The following CCDC141 variants were observed in gnomAD, a reference collection of about 807,000 sequenced individuals.
CCDC141 encodes coiled-coil domain-containing protein 141.
CCDC141 carries 168 observed loss-of-function variants against 181.0 expected under a neutral mutation model. The ratio of observed to expected loss-of-function variants is 0.93; its 90% CI spans 0.82 to 1.05. The LOEUF is 1.05. CCDC141 is among the 50% of genes least tolerant of loss of function. CCDC141 has a pLI of 0.00. For synonymous variants in CCDC141, 666 were observed against 642.3 expected (o/e 1.04, Z -0.56); for missense variants, 1,902 against 1,788.5 (o/e 1.06, Z -1.14).
chr2:178,889,131 T>C (rs938543358), intron 8 of CCDC141, among the ~76,000 whole-genome samples: 18 of 152,276 alleles, frequency 1.2e-4, no homozygotes, highest in East Asian at 3.9e-4. Flanking sequence ...TTCTCAATGA[T>C]TATGAATGCT....
At chr2:178,906,642 G>T (rs1227615840) in intron 7 of CCDC141, among the ~76,000 whole-genome samples, 1 of 152,156 alleles carries the variant, frequency 6.6e-6, no homozygotes, top group Admixed American at 6.5e-5. Flanking sequence ...GCCTCCCTGG[G>T]TTGCTGAGTT....
chr2:178,829,745 A>C (rs949364627), downstream of CCDC141: 4 of 152,260 alleles, frequency 2.6e-5, no homozygotes, highest in Non-Finnish European at 5.9e-5. Context: ...ACATTGACAC[A>C]ATATCAGAGC....
chr2:178,966,663 T>C (rs1690647168), intron 4 of CCDC141, among the ~76,000 whole-genome samples: 2 of 152,038 alleles, frequency 1.3e-5, no homozygotes, highest in Admixed American at 1.3e-4. Context: ...GCGAAAAGGC[T>C]GAAAATTCCA....
intron 6 of CCDC141, among the ~76,000 whole-genome samples, chr2:178,931,071 G>A (rs1689079634): frequency 6.6e-6 from 1 of 152,072 alleles, no homozygotes; most frequent in East Asian, 1.9e-4. Flanking sequence ...GAAAAGATCT[G>A]CAACATCATT....
intron 5 of CCDC141, among the ~76,000 whole-genome samples, chr2:178,951,752 G>A (rs1689959942): frequency 6.6e-6 from 1 of 152,184 alleles, no homozygotes; most frequent in African/African-American, 2.4e-5. Flanking sequence ...GAGACCCACA[G>A]GCAGCCCCAG....
At chr2:179,015,505 A>C (rs1318475476) in intron 2 of CCDC141, among the ~76,000 whole-genome samples, 4 of 40,218 alleles carry the variant, frequency 9.9e-5, no homozygotes, top group Admixed American at 6.4e-4. Context: ...TGCCATATAT[A>C]TCATATATGT....
At chr2:178,964,008 G>C (rs1271948561) in intron 4 of CCDC141, among the ~76,000 whole-genome samples, 1 of 152,176 alleles carries the variant, frequency 6.6e-6, no homozygotes, top group East Asian at 1.9e-4. Context: ...ACATGAACAA[G>C]ATGGGGCTGG....
At chr2:178,957,125 G>A (rs191550122) in intron 5 of CCDC141, among the ~76,000 whole-genome samples, 1 of 152,070 alleles carries the variant, frequency 6.6e-6, no homozygotes, top group South Asian at 2.1e-4. Context: ...CACCTGCCTC[G>A]GCCTCCCAAA....
chr2:178,918,592 A>C (rs1688553093), intron 7 of CCDC141, 121 bp downstream of exon 7: 6 of 682,350 alleles, frequency 8.8e-6, no homozygotes, highest in Non-Finnish European at 1.2e-5. Flanking sequence ...CTTTGCTGCT[A>C]TCAGTTTTGA....
intron 9 of CCDC141, 89 bp downstream of exon 9, chr2:178,888,438 C>G (rs928294479): frequency 8.2e-7 from 1 of 1,212,652 alleles, no homozygotes; most frequent in African/African-American, 1.5e-5. Flanking sequence ...GGAGACATGC[C>G]CCTGTCCTCC....
At chr2:178,892,610 A>G (rs1687210239) in intron 8 of CCDC141, among the ~76,000 whole-genome samples, 1 of 152,172 alleles carries the variant, frequency 6.6e-6, no homozygotes, top group Non-Finnish European at 1.5e-5. Context: ...TTCCTTTTGA[A>G]AGTTCTGAAA....
At chr2:179,000,598 A>G (rs1415779226) in intron 2 of CCDC141, among the ~76,000 whole-genome samples, 1 of 152,126 alleles carries the variant, frequency 6.6e-6, no homozygotes, top group East Asian at 1.9e-4. Flanking sequence ...CTCCCATCAC[A>G]TGGGATGCCA....
At chr2:178,939,229 T>G (rs969610391) in intron 6 of CCDC141, among the ~76,000 whole-genome samples, 21 of 152,158 alleles carry the variant, frequency 1.4e-4, no homozygotes, top group African/African-American at 4.8e-4. Context: ...CATACTGAAA[T>G]TCTCAATAAT....
chr2:178,903,897 C>A (rs62177303), intron 8 of CCDC141, among the ~76,000 whole-genome samples: 2 of 151,718 alleles, frequency 1.3e-5, no homozygotes, highest in Admixed American at 6.6e-5. Context: ...GTGACTGGAC[C>A]ATTTTGAAAT....
At chr2:178,876,277 C>A (rs1195027551) in intron 12 of CCDC141, 2 of 152,098 alleles carry the variant, frequency 1.3e-5, no homozygotes, top group East Asian at 3.9e-4. Flanking sequence ...TGAAAATCTA[C>A]AGAAACTAGA....
chr2:179,002,972 ACAT>A (rs1399876938), intron 2 of CCDC141, among the ~76,000 whole-genome samples: 1 of 152,206 alleles, frequency 6.6e-6, no homozygotes, highest in Admixed American at 6.5e-5. Context: ...TCTGCCAGAA[ACAT>A]AAGTAAACAG....
intron 2 of CCDC141, among the ~76,000 whole-genome samples, chr2:178,992,789 G>T (rs1692115762): frequency 6.6e-6 from 1 of 152,120 alleles, no homozygotes; most frequent in South Asian, 2.1e-4. Flanking sequence ...GGGACCTGGT[G>T]GGAGATGATT....
chr2:178,868,151 G>C lies in CCDC141; in HGVS notation c.2449C>G (p.Leu817Val), dbSNP rs566208959. 9.9e-6 allele frequency: 16 copies of C among 1,613,906 alleles called. No homozygotes were observed. In the South Asian group the frequency reaches 1.2e-4, roughly 12 times the overall value. Residue 817 changes from leucine to valine, a missense_variant, in exon 16 of 24, where the codon CTG becomes GTG. Coordinates refer to ENST00000443758, the MANE Select transcript of CCDC141 (RefSeq NM_173648.4). The stretch of plus-strand genomic sequence containing the variant: ...ATCTGCACATCATGGGCATCACCCA[G>C]TTCCTTCGGCTGCTCTACAAACTCC... Reference protein sequence around the residue: ...ELEFVEQPKELGDAHDVQIHL... With the variant: ...ELEFVEQPKEVGDAHDVQIHL...
At chr2:179,021,007 C>T (rs1388646389) in intron 2 of CCDC141, among the ~76,000 whole-genome samples, 3 of 152,134 alleles carry the variant, frequency 2.0e-5, no homozygotes, top group Admixed American at 6.5e-5. Flanking sequence ...TGATTGTTAG[C>T]ACATCACCTG....
Sources: allele counts gnomAD v4.1 joint callset (sites outside exome capture counted in the v4.1 genomes callset), GRCh38; gene constraint gnomAD v4.1.1; transcripts MANE v1.5; gene names NCBI Gene and HGNC (gene_info 2026-07-23, HGNC 2026-07-21).